LRRC37A2: variants seen among roughly 807,000 people sequenced by gnomAD.
The protein encoded by LRRC37A2 is leucine rich repeat containing 37 member A2.
In LRRC37A2, 9 loss-of-function variants were observed where a neutral mutation model predicts 68.8. The observed-to-expected ratio is 0.13, with a 90% CI of 0.08 to 0.23. The LOEUF (loss-of-function observed/expected upper bound fraction) is 0.23, where lower values mean the gene tolerates loss of function less well. LRRC37A2 is among the 10% of genes least tolerant of loss of function. The pLI is 1.00. For missense variants in LRRC37A2, 168 were observed against 950.4 expected (o/e 0.18, Z 10.82); for synonymous variants, 63 against 367.6 (o/e 0.17, Z 9.48).
the LRRC37A2 span, among the ~76,000 whole-genome samples, chr17:46,457,979 TTGTC>T: frequency 3.8e-5 from 2 of 52,214 alleles, no homozygotes; most frequent in Admixed American, 2.9e-4. Flanking sequence ...TTGGTTCTGT[TTGTC>T]TGTTCTGATT....
At chr17:46,735,022 C>T in the LRRC37A2 span, among the ~76,000 whole-genome samples, 4 of 152,122 alleles carry the variant, frequency 2.6e-5, no homozygotes, top group African/African-American at 9.7e-5. Flanking sequence ...CGCACTCTAG[C>T]CTGAGTGATA....
the LRRC37A2 span, among the ~76,000 whole-genome samples, chr17:46,771,331 G>A: frequency 4.6e-5 from 7 of 151,818 alleles, no homozygotes; most frequent in Admixed American, 3.3e-4. Context: ...CCGCTCACTC[G>A]CCCCAATCCT....
chr17:46,993,695 A>G, the LRRC37A2 span, among the ~76,000 whole-genome samples: 4 of 152,202 alleles, frequency 2.6e-5, no homozygotes, highest in African/African-American at 9.6e-5. Context: ...TACTCCCAGA[A>G]TGGGTTCCAT....
the LRRC37A2 span, among the ~76,000 whole-genome samples, chr17:46,791,086 G>A: frequency 2.0e-5 from 3 of 152,106 alleles, no homozygotes; most frequent in Non-Finnish European, 2.9e-5. Flanking sequence ...GTCTGCAAAG[G>A]TACAGGATGC....
the LRRC37A2 span, among the ~76,000 whole-genome samples, chr17:46,888,876 C>A: frequency 1.3e-5 from 2 of 152,288 alleles, no homozygotes; most frequent in East Asian, 3.9e-4. Context: ...AACCACCCTA[C>A]CAGGAGCAAG....
chr17:46,910,844 G>A, the LRRC37A2 span, among the ~76,000 whole-genome samples: 6 of 152,172 alleles, frequency 3.9e-5, no homozygotes, highest in African/African-American at 4.8e-5. Context: ...TTGAGCCCAC[G>A]GTCAGCTCAT....
chr17:46,746,186 G>C, the LRRC37A2 span, among the ~76,000 whole-genome samples: 2 of 152,162 alleles, frequency 1.3e-5, no homozygotes, highest in Admixed American at 1.3e-4. Context: ...ATAAGCATTT[G>C]ATTTTTTCCT....
chr17:46,814,399 C>T, the LRRC37A2 span, among the ~76,000 whole-genome samples: 1 of 152,184 alleles, frequency 6.6e-6, no homozygotes, highest in African/African-American at 2.4e-5. Context: ...GATCGGCCAC[C>T]AATTTTGCTC....
the LRRC37A2 span, among the ~76,000 whole-genome samples, chr17:46,852,001 G>C: frequency 6.6e-6 from 1 of 152,092 alleles, no homozygotes; most frequent in Non-Finnish European, 1.5e-5. Context: ...CTCTGCGCAC[G>C]CCTCGGACCC....
At chr17:46,848,387 G>A in the LRRC37A2 span, among the ~76,000 whole-genome samples, 4 of 152,222 alleles carry the variant, frequency 2.6e-5, no homozygotes, top group Non-Finnish European at 5.9e-5. Flanking sequence ...CCTACTATGT[G>A]CTGGGACCTG....
the LRRC37A2 span, among the ~76,000 whole-genome samples, chr17:46,822,746 G>A: frequency 1.3e-5 from 2 of 152,188 alleles, no homozygotes; most frequent in African/African-American, 4.8e-5. Flanking sequence ...CTCCTCTCCA[G>A]ACAGGCGGAG....
At chr17:46,994,479 G>A in the LRRC37A2 span, among the ~76,000 whole-genome samples, 1 of 152,126 alleles carries the variant, frequency 6.6e-6, no homozygotes, top group South Asian at 2.1e-4. Flanking sequence ...GGCTTCTGAA[G>A]TTCTGGATAA....
At chr17:46,832,405 G>T in the LRRC37A2 span, among the ~76,000 whole-genome samples, 4 of 141,076 alleles carry the variant, frequency 2.8e-5, no homozygotes, top group Non-Finnish European at 4.7e-5. Context: ...AAGAGAGAGG[G>T]GGGTGGTGGA....
the LRRC37A2 span, among the ~76,000 whole-genome samples, chr17:46,953,292 G>A: frequency 6.6e-6 from 1 of 151,966 alleles, no homozygotes; most frequent in East Asian, 1.9e-4. Flanking sequence ...GTGAGAACAT[G>A]CAGTGTTTGG....
chr17:47,015,745 A>G, the LRRC37A2 span, among the ~76,000 whole-genome samples: 2 of 152,204 alleles, frequency 1.3e-5, no homozygotes, highest in African/African-American at 4.8e-5. Context: ...CCAAAGTTGC[A>G]AAGTGTTTTG....
At chr17:47,024,589 C>T in the LRRC37A2 span, 4 of 868,146 alleles carry the variant, frequency 4.6e-6, no homozygotes, top group Admixed American at 1.7e-5. Context: ...GTGACCATGA[C>T]CCAGCTTTCC....
chr17:46,986,632 T>C, the LRRC37A2 span, among the ~76,000 whole-genome samples: 8 of 152,260 alleles, frequency 5.3e-5, no homozygotes, highest in East Asian at 3.9e-4. Flanking sequence ...ATGACGGAGC[T>C]TGGGTGGGTT....
chr17:46,379,939 G>A, the LRRC37A2 span, among the ~76,000 whole-genome samples: 20 of 13,292 alleles, frequency 1.5e-3, no homozygotes, highest in Admixed American at 0.013. Flanking sequence ...GTGCAGTGGC[G>A]CGATCTTGGC....
chr17:47,019,394 G>A, the LRRC37A2 span: 6 of 1,611,072 alleles, frequency 3.7e-6, no homozygotes, highest in Middle Eastern at 2.2e-4. Context: ...CTACTACAGA[G>A]GTTAAACCAT....
Sources: gnomAD v4.1 joint callset for allele counts (sites outside exome capture counted in the v4.1 genomes callset) on GRCh38, gnomAD v4.1.1 for gene constraint, MANE v1.5 for transcripts, NCBI Gene and HGNC (gene_info 2026-07-23, HGNC 2026-07-21) for gene names.